The following CDCP2 variants were observed in gnomAD, a reference collection of about 807,000 sequenced individuals.
The protein encoded by CDCP2 is CUB domain containing protein 2, also known as CUB domain-containing protein 2.
A neutral mutation model predicts 31.0 loss-of-function variants in CDCP2; 31 were observed. The ratio of observed to expected loss-of-function variants is 1.00; its 90% confidence interval spans 0.75 to 1.35. CDCP2 has a LOEUF of 1.35. CDCP2 is among the 40% of genes most tolerant of loss of function. The pLI is 0.00. For missense variants in CDCP2, 443 were observed against 482.6 expected (o/e 0.92, Z 0.77); for synonymous variants, 206 against 207.9 (o/e 0.99, Z 0.08).
chr1:54,148,029 A>T (rs953241334), intron 1 of CDCP2, among the ~76,000 whole-genome samples: 1 of 151,646 alleles, frequency 6.6e-6, no homozygotes, highest in Admixed American at 6.6e-5. Flanking sequence ...AAAAAAAAAA[A>T]TTTAAACAAG....
chr1:54,135,689 A>G (rs1267418810), intron 5 of CDCP2, among the ~76,000 whole-genome samples: 2 of 152,162 alleles, frequency 1.3e-5, no homozygotes, highest in Non-Finnish European at 2.9e-5. Context: ...GGGGGAGGGC[A>G]GAATACCTCG....
intron 5 of CDCP2, among the ~76,000 whole-genome samples, chr1:54,135,645 G>A (rs1050503070): frequency 1.3e-5 from 2 of 152,144 alleles, no homozygotes; most frequent in African/African-American, 4.8e-5. Context: ...TTCTGTCCCA[G>A]ACAAAAGCTC....
chr1:54,151,313 C>T (rs1659580014), intron 1 of CDCP2, among the ~76,000 whole-genome samples: 1 of 152,176 alleles, frequency 6.6e-6, no homozygotes, highest in African/African-American at 2.4e-5. Context: ...CTCTGCCTAG[C>T]TCTTGGGGTG....
chr1:54,144,506 C>T (rs1322283316), exon 2 of CDCP2: 6 of 1,599,806 alleles, frequency 3.8e-6, no homozygotes, highest in Admixed American at 1.7e-5. Context: ...TGGCCACATG[C>T]TTGTCCGAGT....
At chr1:54,147,725 T>G (rs953594901) in intron 1 of CDCP2, among the ~76,000 whole-genome samples, 2 of 151,712 alleles carry the variant, frequency 1.3e-5, no homozygotes, top group Admixed American at 6.6e-5. Flanking sequence ...AAACATAATT[T>G]TGGCTGGCCG....
intron 2 of CDCP2, chr1:54,144,171 C>A (rs1459487771): frequency 6.7e-5 from 19 of 284,060 alleles, no homozygotes; most frequent in Middle Eastern, 2.1e-3. Flanking sequence ...AAGGTGGGAA[C>A]CCCAGCTACA....
chr1:54,139,160 C>T (rs1255615037), intron 4 of CDCP2: 1 of 215,480 alleles, frequency 4.6e-6, no homozygotes, highest in Non-Finnish European at 9.2e-6. Flanking sequence ...CCTGTCCCCT[C>T]CAGTCTTGAA....
exon 6 of CDCP2, chr1:54,133,038 A>G (rs1659192123): frequency 2.5e-6 from 1 of 398,990 alleles, no homozygotes; most frequent in Admixed American, 4.4e-5. Flanking sequence ...GCCCAGGAAG[A>G]CGATGTCACT....
chr1:54,151,519 C>G (rs1222915999), intron 1 of CDCP2, among the ~76,000 whole-genome samples: 3 of 152,134 alleles, frequency 2.0e-5, no homozygotes, highest in Non-Finnish European at 2.9e-5. Context: ...CCACTAGGAC[C>G]CAGCCAGGCA....
At chr1:54,134,846 A>G (rs772613607) in intron 5 of CDCP2, among the ~76,000 whole-genome samples, 71 of 151,914 alleles carry the variant, frequency 4.7e-4, no homozygotes, top group Non-Finnish European at 5.4e-4. Flanking sequence ...AGCGATTCTC[A>G]TGCCTCAGCC....
intron 1 of CDCP2, among the ~76,000 whole-genome samples, chr1:54,147,077 A>C (rs36181566): frequency 7.3e-4 from 1 of 1,368 alleles, no homozygotes; most frequent in Admixed American, 0.013. Flanking sequence ...CTCCATCTCA[A>C]AAAAAAAAAA....
intron 1 of CDCP2, among the ~76,000 whole-genome samples, chr1:54,146,220 C>T (rs936280498): frequency 3.3e-5 from 5 of 150,954 alleles, no homozygotes; most frequent in Non-Finnish European, 7.4e-5. Flanking sequence ...GGCTCTGTAG[C>T]CCAGGCTGGA....
Position 54,140,347 on chromosome 1 carries a change from T to C in CDCP2, c.764-241A>G, listed in dbSNP as rs1378833223. On this transcript the variant is annotated intron_variant, in intron 3 of 5. Transcript: ENST00000530059. ...CTGGGACTTGCATTCCAGTTGACAG[T>C]CCCCTTCACAGGTGTAGGCCCTGTT... The C allele has an allele frequency of 7.0e-6, 4 of 571,232 alleles. No homozygotes were observed. The Admixed American group carries it at 1.2e-4, about 17-fold the overall frequency. 35.4% of individuals were successfully genotyped at this position (571,232 alleles called of 1,614,324 possible).
exon 4 of CDCP2, chr1:54,139,894 T>C: frequency 6.2e-7 from 1 of 1,614,190 alleles, no homozygotes; most frequent in Non-Finnish European, 8.5e-7. Flanking sequence ...GCCTCCTCGC[T>C]GGCCCCATCG....
intron 4 of CDCP2, chr1:54,138,391 C>G (rs1255162468): frequency 6.6e-6 from 1 of 152,318 alleles, no homozygotes; most frequent in Non-Finnish European, 1.5e-5. Flanking sequence ...GTGGAGCCCA[C>G]TAAGGCCCGA....
At chr1:54,137,894 G>C (rs961390745) in intron 4 of CDCP2, 3 of 152,112 alleles carry the variant, frequency 2.0e-5, no homozygotes, top group Non-Finnish European at 4.4e-5. Context: ...CGATGATCTC[G>C]GTGGTGCTGA....
chr1:54,147,624 C>T (rs1042931640), intron 1 of CDCP2, among the ~76,000 whole-genome samples: 38 of 151,948 alleles, frequency 2.5e-4, no homozygotes, highest in Admixed American at 4.6e-4. Flanking sequence ...TCCTGGGCAT[C>T]TCAAATTGCT....
At chr1:54,136,947 TA>T (rs1482374991) in intron 4 of CDCP2, 139 bp from the exon 5 acceptor site, 1 of 397,404 alleles carries the variant, frequency 2.5e-6, no homozygotes, top group African/African-American at 2.1e-5. Context: ...TACGGAATCC[TA>T]CAGGGCACAG....
At chr1:54,133,653 G>T (rs796227207) in intron 5 of CDCP2, among the ~76,000 whole-genome samples, 6 of 152,278 alleles carry the variant, frequency 3.9e-5, no homozygotes, top group African/African-American at 7.2e-5. Flanking sequence ...TCCCAGCACT[G>T]TGGGAGGCCA....
Sources: gnomAD v4.1 joint callset for allele counts (sites outside exome capture counted in the v4.1 genomes callset) on GRCh38, gnomAD v4.1.1 for gene constraint, MANE v1.5 for transcripts, NCBI Gene and HGNC (gene_info 2026-07-23, HGNC 2026-07-21) for gene names.